OR2L13: variants seen among roughly 807,000 people sequenced by gnomAD.
OR2L13 encodes olfactory receptor family 2 subfamily L member 13, also known as olfactory receptor 2L13.
In OR2L13, 14 loss-of-function variants were observed where a neutral mutation model predicts 15.3. The observed-to-expected ratio is 0.91, with a 90% CI of 0.60 to 1.43. The LOEUF is 1.43. Among genes scored for constraint, OR2L13 ranks in the 40% most tolerant of loss-of-function variants. The pLI is 0.00. For synonymous variants in OR2L13, 152 were observed against 142.9 expected, an observed-to-expected ratio of 1.06 and a Z score of -0.45; for missense variants, 367 against 387.9, an observed-to-expected ratio of 0.95 and a Z score of 0.45.
the OR2L13 span, chr1:248,084,746 T>C: frequency 1.6e-6 from 2 of 1,257,040 alleles, no homozygotes. Context: ...CAGACACAGA[T>C]GGTCTCATTC....
chr1:248,061,870 A>G, the OR2L13 span: 1 of 326,222 alleles, frequency 3.1e-6, no homozygotes, highest in Non-Finnish European at 5.5e-6. Context: ...GTTGTCAATG[A>G]GAATTTTTGT....
chr1:248,095,876 C>A (rs192317053), upstream of OR2L13, among the ~76,000 whole-genome samples: 983 of 149,796 alleles, frequency 6.6e-3, 16 homozygotes, highest in South Asian at 0.063. Context: ...AAGTGCTGGG[C>A]TTACAGACCT....
At chr1:248,074,699 G>A in the OR2L13 span, among the ~76,000 whole-genome samples, 1 of 152,112 alleles carries the variant, frequency 6.6e-6, no homozygotes, top group Non-Finnish European at 1.5e-5. Context: ...AGAGGGAGAT[G>A]TGGGGAGAAA....
the OR2L13 span, chr1:247,965,195 G>A: frequency 2.6e-5 from 17 of 653,296 alleles, no homozygotes; most frequent in East Asian, 1.3e-4. Context: ...AACAGTATGC[G>A]AGAATGTGTT....
the OR2L13 span, among the ~76,000 whole-genome samples, chr1:248,074,916 A>C: frequency 6.6e-6 from 1 of 152,204 alleles, no homozygotes; most frequent in Non-Finnish European, 1.5e-5. Flanking sequence ...GTATATGTGC[A>C]CAATGTGCAG....
upstream of OR2L13, among the ~76,000 whole-genome samples, chr1:248,092,706 A>G (rs574008484): frequency 6.5e-4 from 99 of 152,308 alleles, no homozygotes; most frequent in African/African-American, 2.1e-3. Flanking sequence ...ACTCATTATA[A>G]GCTCCCAGGC....
At chr1:248,073,256 G>T in the OR2L13 span, among the ~76,000 whole-genome samples, 1 of 152,282 alleles carries the variant, frequency 6.6e-6, no homozygotes, top group South Asian at 2.1e-4. Flanking sequence ...ACTGGATTAA[G>T]AAAATGTGGC....
upstream of OR2L13, among the ~76,000 whole-genome samples, chr1:248,090,433 G>A (rs1046327107): frequency 5.9e-5 from 9 of 151,990 alleles, no homozygotes; most frequent in African/African-American, 1.9e-4. Flanking sequence ...GTTTCTCATT[G>A]TCTCTCACCT....
the OR2L13 span, among the ~76,000 whole-genome samples, chr1:247,940,500 A>C: frequency 2.0e-5 from 3 of 152,212 alleles, no homozygotes; most frequent in Non-Finnish European, 4.4e-5. Flanking sequence ...TAATGGGTGA[A>C]AGTGTTACTT....
the OR2L13 span, among the ~76,000 whole-genome samples, chr1:247,962,663 T>C: frequency 2.0e-5 from 3 of 152,240 alleles, no homozygotes; most frequent in Non-Finnish European, 2.9e-5. Flanking sequence ...AGCTAAAACA[T>C]CTTTTTGGCC....
chr1:247,989,868 T>C, the OR2L13 span, among the ~76,000 whole-genome samples: 1 of 152,148 alleles, frequency 6.6e-6, no homozygotes, highest in Non-Finnish European at 1.5e-5. Context: ...AATGTTGCAT[T>C]ACCGTGCCTA....
At chr1:247,957,207 G>A in the OR2L13 span, among the ~76,000 whole-genome samples, 1 of 152,148 alleles carries the variant, frequency 6.6e-6, no homozygotes, top group Non-Finnish European at 1.5e-5. Context: ...ATAATCATAG[G>A]TTTTTGTCAT....
chr1:248,078,670 G>T, the OR2L13 span, among the ~76,000 whole-genome samples: 1 of 151,894 alleles, frequency 6.6e-6, no homozygotes, highest in Non-Finnish European at 1.5e-5. Context: ...GTACATGAAG[G>T]TCCATAGCTA....
the OR2L13 span, among the ~76,000 whole-genome samples, chr1:247,961,922 T>G: frequency 6.6e-6 from 1 of 152,204 alleles, no homozygotes; most frequent in Admixed American, 6.5e-5. Flanking sequence ...TTTGACTCAT[T>G]AAAAATTCAG....
At chr1:247,989,371 A>G in the OR2L13 span, among the ~76,000 whole-genome samples, 4 of 152,168 alleles carry the variant, frequency 2.6e-5, no homozygotes, top group Non-Finnish European at 4.4e-5. Flanking sequence ...CTGAAAAAGT[A>G]GTGCTAAATT....
At chr1:248,065,922 C>G in the OR2L13 span, among the ~76,000 whole-genome samples, 1 of 152,124 alleles carries the variant, frequency 6.6e-6, no homozygotes, top group Non-Finnish European at 1.5e-5. Context: ...AAAGATTCTT[C>G]CAGGAATCTC....
chr1:247,986,108 G>C, the OR2L13 span, among the ~76,000 whole-genome samples: 1 of 152,106 alleles, frequency 6.6e-6, no homozygotes, highest in Admixed American at 6.5e-5. Flanking sequence ...AAGCTCTTTA[G>C]TTTAATTAGA....
At chr1:248,067,856 C>G in the OR2L13 span, among the ~76,000 whole-genome samples, 2 of 151,990 alleles carry the variant, frequency 1.3e-5, no homozygotes, top group African/African-American at 4.9e-5. Context: ...CCACACCTGG[C>G]TCGGAGGGTC....
the OR2L13 span, among the ~76,000 whole-genome samples, chr1:247,961,435 A>G: frequency 5.8e-4 from 89 of 152,322 alleles, no homozygotes; most frequent in African/African-American, 2.0e-3. Context: ...AAGGATGGGA[A>G]TGTAATGATA....
Sources: gnomAD v4.1 joint callset for allele counts (sites outside exome capture counted in the v4.1 genomes callset) on GRCh38, gnomAD v4.1.1 for gene constraint, MANE v1.5 for transcripts, NCBI Gene and HGNC (gene_info 2026-07-23, HGNC 2026-07-21) for gene names.